The following ABHD18 variants were observed in gnomAD, a reference collection of about 807,000 sequenced individuals.
ABHD18 encodes cardiolipin-specific deacylase, mitochondrial.
A neutral mutation model predicts 65.9 loss-of-function variants in ABHD18; 55 were observed. The ratio of observed to expected loss-of-function variants is 0.84; its 90% confidence interval spans 0.67 to 1.05. The LOEUF is 1.05. Among genes scored for constraint, ABHD18 ranks in the 50% least tolerant of loss-of-function variants. ABHD18 has a pLI of 0.00. For missense variants in ABHD18, 533 were observed against 558.5 expected, an observed-to-expected ratio of 0.95 and a Z score of 0.46; for synonymous variants, 181 against 180.2, an observed-to-expected ratio of 1.00 and a Z score of -0.04.
intron 1 of ABHD18, among the ~76,000 whole-genome samples, chr4:127,973,406 G>T (rs1747234170): frequency 6.6e-6 from 1 of 152,048 alleles, no homozygotes; most frequent in African/African-American, 2.4e-5. Flanking sequence ...TTACTGGTAG[G>T]AAAATGTGAA....
intron 3 of ABHD18, among the ~76,000 whole-genome samples, chr4:127,989,358 G>C (rs1361712080): frequency 6.6e-6 from 1 of 152,094 alleles, no homozygotes; most frequent in African/African-American, 2.4e-5. Context: ...TCTAGTATTT[G>C]ATAGCATAAT....
chr4:127,984,715 C>G lies in ABHD18; in HGVS notation c.177+292C>G, dbSNP rs186410569. Among the ~76,000 whole-genome samples the G allele has an allele frequency of 4.5e-3, 682 of 152,174 alleles. 10 individuals carry two copies. The highest frequency in any genetic ancestry group is 0.016 in the African/African-American group (652 of 41,512). On this transcript the variant is annotated intron_variant, in intron 3 of 12. Transcript: ENST00000645843. The stretch of plus-strand genomic sequence containing the variant: ...CTGCTTAAAAAAAATACAAAATTAG[C>G]CGGGCATGGTGGCACATGCCTGTAA...
intron 4 of ABHD18, among the ~76,000 whole-genome samples, chr4:127,999,975 C>T (rs1752393036): frequency 2.0e-5 from 3 of 152,128 alleles, no homozygotes; most frequent in Non-Finnish European, 2.9e-5. Context: ...ACAATCATGG[C>T]GGAAGGTGAA....
intron 10 of ABHD18, among the ~76,000 whole-genome samples, chr4:128,027,171 G>A (rs1328200580): frequency 7.2e-5 from 11 of 152,132 alleles, no homozygotes; most frequent in African/African-American, 2.7e-4. Flanking sequence ...ATGTTGTACA[G>A]GTTAGTAACC....
At chr4:127,971,922 C>T (rs1463202656) in intron 1 of ABHD18, among the ~76,000 whole-genome samples, 1 of 152,092 alleles carries the variant, frequency 6.6e-6, no homozygotes, top group African/African-American at 2.4e-5. Context: ...TTAATGCAGA[C>T]CCCACAAGTT....
intron 1 of ABHD18, among the ~76,000 whole-genome samples, chr4:127,981,405 AGTT>A (rs1749024873): frequency 1.0e-5 from 1 of 95,766 alleles, no homozygotes; most frequent in Non-Finnish European, 2.8e-5. Flanking sequence ...TTATTTTGAT[AGTT>A]AGATAGATTT....
At chr4:127,984,159 G>T (rs1749565727) in intron 2 of ABHD18, among the ~76,000 whole-genome samples, 180 bp from the exon 3 acceptor site, 1 of 152,082 alleles carries the variant, frequency 6.6e-6, no homozygotes, top group African/African-American at 2.4e-5. Flanking sequence ...TCTGAAAAAA[G>T]TGTTCAGTTT....
intron 4 of ABHD18, among the ~76,000 whole-genome samples, chr4:127,991,959 G>A (rs1350571028): frequency 1.3e-5 from 2 of 152,058 alleles, no homozygotes; most frequent in African/African-American, 2.4e-5. Flanking sequence ...TACCCCTAAG[G>A]CATTATTTTA....
At position 128,017,347 on chromosome 4, in the gene ABHD18, T is replaced by C. The variant is rs1755688140; in HGVS notation, c.471-16T>C. 1.9e-6 allele frequency: 3 copies of C among 1,604,704 alleles called. No homozygotes were observed. Among genetic ancestry groups the C allele is most frequent in the Non-Finnish European group, 2.5e-6 (3 of 1,177,528 alleles). ...TACATAAAATAATCATTTTCTATTT[T>C]GTTTTGTGAGGCTAGAAGGTCCAGC... On this transcript the variant is annotated splice_polypyrimidine_tract_variant and intron_variant, in intron 7 of 12. Transcript: ENST00000645843.
chr4:128,022,248 A>G (rs1263843280), intron 10 of ABHD18, among the ~76,000 whole-genome samples: 1 of 152,182 alleles, frequency 6.6e-6, no homozygotes, highest in Non-Finnish European at 1.5e-5. Flanking sequence ...TCAATCAATC[A>G]ATCTGTAAAA....
Position 127,983,133 on chromosome 4 carries a change from C to T in ABHD18, c.92+86C>T, listed in dbSNP as rs189155907. On this transcript the variant is annotated intron_variant, in intron 2 of 12. Transcript: ENST00000645843. Reference sequence around the variant, plus strand: ...ACTTTGTTATAAAATCCTTTACTCTCAAATACAGAGCAATTGTCCAGCAAA... The same window carrying T: ...ACTTTGTTATAAAATCCTTTACTCTTAAATACAGAGCAATTGTCCAGCAAA... The T allele has an allele frequency of 1.6e-4, 130 of 835,952 alleles. No individual in the cohort carries two copies. In the East Asian group the frequency reaches 3.1e-3, roughly 20 times the overall value. 51.8% of individuals were successfully genotyped at this position (835,952 alleles called of 1,614,324 possible).
intron 4 of ABHD18, among the ~76,000 whole-genome samples, chr4:127,999,753 T>G (rs549051482): frequency 6.6e-6 from 1 of 152,350 alleles, no homozygotes; most frequent in Admixed American, 6.5e-5. Context: ...AACCTGTTGA[T>G]ACTTTGTTTT....
intron 6 of ABHD18, among the ~76,000 whole-genome samples, chr4:128,011,150 ATTTT>A (rs766141488): frequency 7.1e-6 from 1 of 141,522 alleles, no homozygotes; most frequent in Non-Finnish European, 1.5e-5. Flanking sequence ...GTGATATATG[ATTTT>A]TTTTTTTTTT....
chr4:127,966,508 G>T (rs1478619768), intron 1 of ABHD18, among the ~76,000 whole-genome samples: 1 of 151,838 alleles, frequency 6.6e-6, no homozygotes, highest in Admixed American at 6.6e-5. Context: ...TGATCTTTGT[G>T]TCATTTGTGA....
intron 4 of ABHD18, among the ~76,000 whole-genome samples, chr4:128,004,988 G>A (rs947092131): frequency 2.6e-5 from 4 of 152,092 alleles, no homozygotes; most frequent in African/African-American, 9.7e-5. Flanking sequence ...CAGCACTTTG[G>A]GAGGCCAAGG....
rs1242718089 is a variant in ABHD18 at position 128,038,275 on chromosome 4, T to C, written c.*2462T>C. On this transcript the variant is annotated 3_prime_UTR_variant, in exon 13 of 13. Coordinates refer to ENST00000645843, the MANE Select transcript of ABHD18 (RefSeq NM_001358451.3). Reference sequence around the variant, plus strand: ...GAGAACCTTTAGTTTTAACCAAAAGTATAACATCTACTAAAGTTCTTCCAC... The same window carrying C: ...GAGAACCTTTAGTTTTAACCAAAAGCATAACATCTACTAAAGTTCTTCCAC... 1 of 152,216 alleles carries C rather than the reference T, an allele frequency of 6.6e-6. No homozygotes were observed. The highest frequency in any genetic ancestry group is 1.5e-5 in the Non-Finnish European group (1 of 68,030). 9.4% of individuals were successfully genotyped at this position (152,216 alleles called of 1,614,324 possible).
chr4:127,987,769 TAAA>T (rs1224393352), intron 3 of ABHD18, among the ~76,000 whole-genome samples: 2 of 152,022 alleles, frequency 1.3e-5, no homozygotes, highest in Non-Finnish European at 2.9e-5. Context: ...CTAATAGGCA[TAAA>T]AAACTAAATT....
chr4:128,008,464 G>A (rs1003129274), intron 4 of ABHD18, among the ~76,000 whole-genome samples: 4 of 151,408 alleles, frequency 2.6e-5, no homozygotes, highest in Admixed American at 2.0e-4. Context: ...TAGTAGCGAC[G>A]GGGTTTCTCC....
intron 4 of ABHD18, among the ~76,000 whole-genome samples, chr4:128,006,370 A>G (rs1031491520): frequency 1.3e-5 from 2 of 152,204 alleles, no homozygotes; most frequent in Admixed American, 6.5e-5. Flanking sequence ...CAATGCTGAG[A>G]ACGCAAAATG....
Sources: allele counts gnomAD v4.1 joint callset (sites outside exome capture counted in the v4.1 genomes callset), GRCh38; gene constraint gnomAD v4.1.1; transcripts MANE v1.5; gene names NCBI Gene and HGNC (gene_info 2026-07-23, HGNC 2026-07-21).